Variants in AGTPBP1 observed in about 807,000 individuals in gnomAD.
AGTPBP1 encodes the protein cytosolic carboxypeptidase 1.
In AGTPBP1, 70 loss-of-function variants were observed where a neutral mutation model predicts 143.9. The ratio of observed to expected loss-of-function variants is 0.49; its 90% CI spans 0.40 to 0.59. AGTPBP1 has a LOEUF of 0.59. AGTPBP1 is among the 20% of genes least tolerant of loss of function. The pLI, the probability that AGTPBP1 is intolerant of heterozygous loss-of-function variation, is 0.00. For synonymous variants in AGTPBP1, 463 were observed against 500.2 expected (o/e 0.93, Z 0.99); for missense variants, 1,229 against 1,464.5 (o/e 0.84, Z 2.62).
intron 25 of AGTPBP1, among the ~76,000 whole-genome samples, chr9:85,557,113 C>T (rs1235918549): frequency 6.6e-6 from 1 of 151,980 alleles, no homozygotes; most frequent in Non-Finnish European, 1.5e-5. Flanking sequence ...ACTTTTTCTC[C>T]CAAGAGGCTA....
chr9:85,764,957 T>C, the AGTPBP1 span: 1 of 799,202 alleles, frequency 1.3e-6, no homozygotes, highest in Admixed American at 1.8e-5. Context: ...CTGGAGGTGC[T>C]GTATGATGGA....
At chr9:85,634,142 C>T (rs375597823) in intron 13 of AGTPBP1, among the ~76,000 whole-genome samples, 2 of 142,022 alleles carry the variant, frequency 1.4e-5, no homozygotes, top group African/African-American at 2.7e-5. Context: ...TGCAGTGAAC[C>T]GAGATCATGC....
At chr9:85,716,026 T>C (rs1247798939) in intron 1 of AGTPBP1, among the ~76,000 whole-genome samples, 1 of 143,962 alleles carries the variant, frequency 6.9e-6, no homozygotes, top group Non-Finnish European at 1.5e-5. Flanking sequence ...ATTTCTCTCC[T>C]TCTGAAAGCA....
rs1832589968 is a variant in AGTPBP1, at chr9:85,642,984, T to C, written c.1186-41A>G. On this transcript the variant is annotated intron_variant, in intron 12 of 25. Coordinates refer to ENST00000357081, the MANE Select transcript of AGTPBP1 (RefSeq NM_001330701.2). ...GAGTATGTTATCAGGTAAAACAAAATTTTTAAAAATTACAGAAAACATTTT... is the reference window on the plus strand; with the variant it reads ...GAGTATGTTATCAGGTAAAACAAAACTTTTAAAAATTACAGAAAACATTTT... 4 of 1,381,380 alleles carry C rather than the reference T, an allele frequency of 2.9e-6. No individual in the cohort carries two copies. In the Admixed American group the frequency reaches 7.9e-5, roughly 27 times the overall value. The allele number at this position is 1,381,380 out of a possible 1,614,324, so 85.6% of individuals were successfully genotyped here. A position where few individuals can be genotyped will look rare whatever the true frequency, so the allele number is the denominator to read the frequency against.
intron 6 of AGTPBP1, among the ~76,000 whole-genome samples, chr9:85,675,763 C>T (rs573206099): frequency 1.3e-5 from 2 of 152,254 alleles, no homozygotes; most frequent in East Asian, 1.9e-4. Flanking sequence ...CGGTGGCTCA[C>T]GCCTGTAATC....
chr9:85,667,734 T>C (rs1035854741), intron 8 of AGTPBP1, among the ~76,000 whole-genome samples: 1 of 152,104 alleles, frequency 6.6e-6, no homozygotes. Flanking sequence ...ATATAGTCAT[T>C]GTAAGCCAGA....
At position 85,586,955 on chromosome 9, in the gene AGTPBP1, C is replaced by T. The variant is rs1828650400; in HGVS notation, c.2909G>A (p.Arg970His). The T allele has an allele frequency of 1.9e-6, 3 of 1,613,486 alleles. No individual in the cohort carries two copies. Among genetic ancestry groups the T allele is most frequent in the African/African-American group, 1.3e-5 (1 of 74,876 alleles). ...CAAATCCTCTCCACTTAAAGAACAG[C>T]GATGACTACATGTACATAAACACAA... ...NPDGVINGNH[R>H]CSLSGEDLNR... is the part of the protein sequence containing the mutation. The change falls in exon 22 of 26, where the codon CGC becomes CAC. Residue 970 changes from arginine to histidine, a missense_variant. By Grantham distance (29) the Arg-to-His change is conservative. Transcript: ENST00000357081.
Position 85,741,881 on chromosome 9 carries a change from A to C in AGTPBP1, c.-140T>G. On this transcript the variant is annotated 5_prime_UTR_variant, in exon 1 of 26. Coordinates refer to ENST00000357081, the MANE Select transcript of AGTPBP1 (RefSeq NM_001330701.2). ...CGCCCGCCGCCCGGTGTTTTCATAC[A>C]AACCCCGGTGGCAGGCGAGGCGGAG... 1.4e-6 allele frequency: 2 copies of C among 1,386,450 alleles called. No individual in the cohort carries two copies. The highest frequency in any genetic ancestry group is 1.9e-6 in the Non-Finnish European group (2 of 1,071,352). The allele number at this position is 1,386,450 out of a possible 1,614,324, so 85.9% of individuals were successfully genotyped here. A position where few individuals can be genotyped will look rare whatever the true frequency, so the allele number is the denominator to read the frequency against.
intron 25 of AGTPBP1, among the ~76,000 whole-genome samples, chr9:85,558,842 C>T (rs1272929302): frequency 1.3e-5 from 2 of 152,170 alleles, no homozygotes; most frequent in African/African-American, 2.4e-5. Context: ...TGGTCTCAAA[C>T]TCCTAGACTC....
intron 11 of AGTPBP1, among the ~76,000 whole-genome samples, chr9:85,646,785 G>A (rs1587819999): frequency 1.3e-5 from 2 of 152,090 alleles, no homozygotes; most frequent in South Asian, 2.1e-4. Flanking sequence ...ACAGTCATGT[G>A]CCACATACTG....
chr9:85,660,716 T>TA (rs1418109633), intron 9 of AGTPBP1, among the ~76,000 whole-genome samples: 1 of 152,130 alleles, frequency 6.6e-6, no homozygotes, highest in Non-Finnish European at 1.5e-5. Context: ...CTTGACTAAA[T>TA]TATATAAATG....
At chr9:85,653,839 T>C (rs982697254) in intron 11 of AGTPBP1, among the ~76,000 whole-genome samples, 1 of 152,226 alleles carries the variant, frequency 6.6e-6, no homozygotes, top group Non-Finnish European at 1.5e-5. Flanking sequence ...GGTACAGATT[T>C]TCTCCTGTAA....
At chr9:85,671,703 C>T (rs1315811660) in intron 7 of AGTPBP1, among the ~76,000 whole-genome samples, 2 of 152,154 alleles carry the variant, frequency 1.3e-5, no homozygotes, top group Non-Finnish European at 2.9e-5. Flanking sequence ...AAAATCCACA[C>T]CTCATGCGTG....
chr9:85,575,486 A>G lies in AGTPBP1; in HGVS notation c.3343-11T>C. 6.3e-7 allele frequency: 1 copy of G among 1,591,136 alleles called. No individual in the cohort carries two copies. Among genetic ancestry groups the G allele is most frequent in the Non-Finnish European group, 8.5e-7 (1 of 1,173,746 alleles). On this transcript the variant is annotated splice_polypyrimidine_tract_variant and intron_variant, in intron 24 of 25. Coordinates refer to ENST00000357081, the MANE Select transcript of AGTPBP1 (RefSeq NM_001330701.2). ...ACCAATCTGTAAACCCTTGAAATAA[A>G]CAAATATTATGCATATAATTACAAA...
At chr9:85,653,467 G>C (rs1833299237) in intron 11 of AGTPBP1, among the ~76,000 whole-genome samples, 1 of 152,120 alleles carries the variant, frequency 6.6e-6, no homozygotes, top group South Asian at 2.1e-4. Context: ...CTGCACTAGA[G>C]GTCGGCTTTC....
At chr9:85,744,292 T>A (rs1299221471), upstream of AGTPBP1, among the ~76,000 whole-genome samples, 1 of 152,094 alleles carries the variant, frequency 6.6e-6, no homozygotes, top group African/African-American at 2.4e-5. Context: ...AACAACTAGG[T>A]TTTAATAGTT....
At chr9:85,750,076 G>A in the AGTPBP1 span, among the ~76,000 whole-genome samples, 3 of 152,034 alleles carry the variant, frequency 2.0e-5, no homozygotes, top group Admixed American at 6.6e-5. Context: ...TAGAGACAGG[G>A]TTTCATGGTG....
the AGTPBP1 span, among the ~76,000 whole-genome samples, chr9:85,776,043 T>G: frequency 6.6e-6 from 1 of 152,104 alleles, no homozygotes; most frequent in South Asian, 2.1e-4. Flanking sequence ...ATACATAATC[T>G]TCAAATAAAG....
the AGTPBP1 span, chr9:85,785,657 C>T: frequency 2.3e-4 from 37 of 161,882 alleles, no homozygotes; most frequent in Non-Finnish European, 4.1e-4. Flanking sequence ...CAACCAAGGC[C>T]AGATTCCCAC....
Sources: gnomAD v4.1 joint callset for allele counts (sites outside exome capture counted in the v4.1 genomes callset) on GRCh38, gnomAD v4.1.1 for gene constraint, MANE v1.5 for transcripts, NCBI Gene and HGNC (gene_info 2026-07-23, HGNC 2026-07-21) for gene names.